GRM1: variants seen among roughly 807,000 people sequenced by gnomAD.
GRM1 encodes glutamate metabotropic receptor 1, also known as metabotropic glutamate receptor 1.
Under a neutral mutation model 90.9 loss-of-function variants are expected in GRM1, and 33 were observed. That is an observed-to-expected ratio of 0.36 (90% CI 0.28 to 0.49). The LOEUF (loss-of-function observed/expected upper bound fraction) is 0.49. Among genes scored for constraint, GRM1 ranks in the 20% least tolerant of loss-of-function variants. The probability of loss-of-function intolerance (pLI) is 0.99; values close to 1 mark genes in which losing one functional copy is unlikely to be tolerated. For missense variants in GRM1, 1,190 were observed against 1,534.3 expected (o/e 0.78, Z 3.75); for synonymous variants, 700 against 613.2 (o/e 1.14, Z -2.09).
intron 5 of GRM1, among the ~76,000 whole-genome samples, chr6:146,368,356 C>T (rs1160011163): frequency 3.3e-5 from 5 of 151,762 alleles, no homozygotes; most frequent in African/African-American, 1.2e-4. Flanking sequence ...ATTTGGATGC[C>T]CTTTATTACT....
chr6:146,282,075 G>A (rs1044591668), intron 2 of GRM1, among the ~76,000 whole-genome samples: 4 of 152,126 alleles, frequency 2.6e-5, no homozygotes, highest in African/African-American at 9.7e-5. Flanking sequence ...ATTTGAATGG[G>A]TCTTTCAAGA....
intron 5 of GRM1, among the ~76,000 whole-genome samples, chr6:146,366,732 T>C (rs1001473437): frequency 1.4e-4 from 21 of 152,172 alleles, no homozygotes; most frequent in Admixed American, 1.1e-3. Flanking sequence ...TTTTCCCCAT[T>C]TTTAAAATCA....
chr6:146,219,724 T>A (rs1779991951), intron 2 of GRM1, among the ~76,000 whole-genome samples: 1 of 152,146 alleles, frequency 6.6e-6, no homozygotes. Flanking sequence ...TATAGAATCT[T>A]GGTAAAAATA....
At chr6:146,379,875 G>A (rs1378418377) in intron 5 of GRM1, among the ~76,000 whole-genome samples, 1 of 151,104 alleles carries the variant, frequency 6.6e-6, no homozygotes, top group African/African-American at 2.4e-5. Flanking sequence ...CAAGTCTCTG[G>A]GTTACCAGAG....
intron 1 of GRM1, among the ~76,000 whole-genome samples, chr6:146,147,378 G>A (rs1404261555): frequency 1.3e-5 from 2 of 152,138 alleles, no homozygotes; most frequent in Non-Finnish European, 2.9e-5. Flanking sequence ...TGTAAATGGA[G>A]AGAATTATGA....
At chr6:146,036,165 G>T (rs904658312) in intron 1 of GRM1, among the ~76,000 whole-genome samples, 1 of 151,970 alleles carries the variant, frequency 6.6e-6, no homozygotes, top group African/African-American at 2.4e-5. Context: ...GCAGTGACTG[G>T]AGTGATGGGT....
At chr6:146,247,122 C>T (rs1353380389) in intron 2 of GRM1, among the ~76,000 whole-genome samples, 5 of 152,140 alleles carry the variant, frequency 3.3e-5, no homozygotes, top group Non-Finnish European at 7.4e-5. Context: ...TTCTTCAGTC[C>T]ACAAGGTGTA....
chr6:146,066,651 A>T, intron 1 of GRM1, among the ~76,000 whole-genome samples: 1 of 152,132 alleles, frequency 6.6e-6, no homozygotes. Flanking sequence ...ATGGTGAATG[A>T]ACTAATTTAC....
chr6:146,230,502 C>A (rs1332797621), intron 2 of GRM1, among the ~76,000 whole-genome samples: 1 of 152,120 alleles, frequency 6.6e-6, no homozygotes, highest in Non-Finnish European at 1.5e-5. Context: ...AAATCCAGAA[C>A]ACTGACAACA....
intron 3 of GRM1, among the ~76,000 whole-genome samples, chr6:146,322,303 C>G (rs570849546): frequency 6.6e-6 from 1 of 152,102 alleles, no homozygotes; most frequent in African/African-American, 2.4e-5. Flanking sequence ...ACCAGATGCC[C>G]GCTGGAGCTC....
At position 146,113,401 on chromosome 6, in the gene GRM1, T is replaced by G. The variant is rs953893914; in HGVS notation, c.701-45947T>G. 2.6e-5 allele frequency among the ~76,000 whole-genome samples: 4 copies of G among 152,210 alleles called. No homozygotes were observed. The East Asian group carries it at 5.8e-4, about 22-fold the overall frequency. ...AAACTATATTTAACTTCGGAGCCCT[T>G]GAATTTGGCATGCTGCAAGGATAGA... On this transcript the variant is annotated intron_variant, in intron 1 of 7. Coordinates refer to ENST00000282753, the MANE Select transcript of GRM1 (RefSeq NM_001278064.2).
chr6:146,212,337 T>C (rs1275611820), intron 2 of GRM1, among the ~76,000 whole-genome samples: 1 of 152,238 alleles, frequency 6.6e-6, no homozygotes, highest in African/African-American at 2.4e-5. Flanking sequence ...GACTATTTTA[T>C]TCAAACAGGG....
intron 2 of GRM1, among the ~76,000 whole-genome samples, chr6:146,170,918 C>G (rs981401521): frequency 6.6e-6 from 1 of 151,950 alleles, no homozygotes; most frequent in Non-Finnish European, 1.5e-5. Context: ...TGTTCCTCTT[C>G]TCTGGGGCTT....
At chr6:146,197,872 T>G (rs1779174167) in intron 2 of GRM1, among the ~76,000 whole-genome samples, 1 of 152,192 alleles carries the variant, frequency 6.6e-6, no homozygotes, top group East Asian at 1.9e-4. Flanking sequence ...GAATATAAAT[T>G]TCTTGTTAGA....
At chr6:146,227,888 C>G (rs780095163) in intron 2 of GRM1, among the ~76,000 whole-genome samples, 1 of 152,098 alleles carries the variant, frequency 6.6e-6, no homozygotes, top group Admixed American at 6.6e-5. Context: ...TTCATTCTGG[C>G]AAAACAATTT....
Position 146,428,726 on chromosome 6 carries a change from G to A in GRM1, c.2661-5146G>A, listed in dbSNP as rs182530878. Among the ~76,000 whole-genome samples, 120 of 152,260 alleles carry A rather than the reference G, an allele frequency of 7.9e-4. 1 individual carries two copies. Among genetic ancestry groups the A allele is most frequent in the Non-Finnish European group, 1.3e-3 (89 of 68,012 alleles). ...TAAAGCAACGCCATGGTACCAACATGTTGTCTTAAATAGACTTTGGTAGGA... is the reference window on the plus strand; with the variant it reads ...TAAAGCAACGCCATGGTACCAACATATTGTCTTAAATAGACTTTGGTAGGA... On this transcript the variant is annotated intron_variant, in intron 7 of 7. Coordinates refer to ENST00000282753, the MANE Select transcript of GRM1 (RefSeq NM_001278064.2).
At chr6:146,197,504 A>C (rs1779161528) in intron 2 of GRM1, among the ~76,000 whole-genome samples, 1 of 152,156 alleles carries the variant, frequency 6.6e-6, no homozygotes, top group African/African-American at 2.4e-5. Flanking sequence ...CTCAGCTCTC[A>C]TGGGGTTTAC....
intron 2 of GRM1, among the ~76,000 whole-genome samples, chr6:146,229,160 T>C (rs73575031): frequency 0.061 from 9,203 of 151,830 alleles, 932 homozygotes; most frequent in African/African-American, 0.21. Context: ...CACTAATGTA[T>C]AGAGTTAGGG....
intron 2 of GRM1, among the ~76,000 whole-genome samples, chr6:146,293,783 A>G (rs969447202): frequency 2.0e-5 from 3 of 151,686 alleles, no homozygotes; most frequent in African/African-American, 7.2e-5. Context: ...TAAATATACT[A>G]TTGTTCAGAT....
Sources: gnomAD v4.1 joint callset for allele counts (sites outside exome capture counted in the v4.1 genomes callset) on GRCh38, gnomAD v4.1.1 for gene constraint, MANE v1.5 for transcripts, NCBI Gene and HGNC (gene_info 2026-07-23, HGNC 2026-07-21) for gene names.